The following CRACDL variants were observed in gnomAD, a reference collection of about 807,000 sequenced individuals.
The protein encoded by CRACDL is CRACD like.
Under a neutral mutation model 70.6 loss-of-function variants are expected in CRACDL, and 26 were observed. The observed-to-expected ratio is 0.37, with a 90% confidence interval of 0.27 to 0.51. The LOEUF (loss-of-function observed/expected upper bound fraction) is 0.51. CRACDL is among the 20% of genes least tolerant of loss of function. The probability of loss-of-function intolerance (pLI) is 0.94; values close to 1 mark genes in which losing one functional copy is unlikely to be tolerated. For missense variants in CRACDL, 1,283 were observed against 1,376.9 expected (o/e 0.93, Z 1.08); for synonymous variants, 618 against 615.2 (o/e 1.00, Z -0.07).
intron 6 of CRACDL, 28 bp downstream of exon 6, chr2:98,826,947 C>T (rs903389468): frequency 6.3e-7 from 1 of 1,581,194 alleles, no homozygotes; most frequent in Non-Finnish European, 8.6e-7. Context: ...CCTGGCCTGC[C>T]TCTGTGTGGA....
At chr2:98,917,084 C>G (rs895178818) in intron 1 of CRACDL, among the ~76,000 whole-genome samples, 7 of 152,188 alleles carry the variant, frequency 4.6e-5, no homozygotes, top group Admixed American at 2.6e-4. Context: ...CTTCTCCCTC[C>G]GGCTCGGCCC....
At chr2:98,841,737 T>A (rs1032358725) in intron 2 of CRACDL, among the ~76,000 whole-genome samples, 3 of 152,184 alleles carry the variant, frequency 2.0e-5, no homozygotes, top group Non-Finnish European at 4.4e-5. Context: ...TGAAATACAT[T>A]TTTTCCTAGG....
At chr2:98,923,122 T>G (rs1708842439) in intron 1 of CRACDL, among the ~76,000 whole-genome samples, 1 of 151,854 alleles carries the variant, frequency 6.6e-6, no homozygotes, top group Non-Finnish European at 1.5e-5. Flanking sequence ...TACAAAAAAA[T>G]TAGCCAGGTG....
At chr2:98,912,235 T>G (rs1419036842) in intron 1 of CRACDL, among the ~76,000 whole-genome samples, 1 of 152,238 alleles carries the variant, frequency 6.6e-6, no homozygotes, top group Non-Finnish European at 1.5e-5. Context: ...ATTCTCTGCC[T>G]TTTAACAAAA....
At chr2:98,914,822 G>A (rs1708629863) in intron 1 of CRACDL, among the ~76,000 whole-genome samples, 1 of 152,210 alleles carries the variant, frequency 6.6e-6, no homozygotes, top group African/African-American at 2.4e-5. Flanking sequence ...GAGTCCCTGG[G>A]CAGCCAGCCT....
At chr2:98,877,627 T>C (rs966659329) in intron 1 of CRACDL, among the ~76,000 whole-genome samples, 2 of 152,024 alleles carry the variant, frequency 1.3e-5, no homozygotes, top group South Asian at 4.2e-4. Context: ...CGGGTGCCTA[T>C]AGTCCCAGCA....
At chr2:98,834,207 T>C (rs1386709966) in intron 3 of CRACDL, among the ~76,000 whole-genome samples, 3 of 152,174 alleles carry the variant, frequency 2.0e-5, no homozygotes, top group Non-Finnish European at 4.4e-5. Flanking sequence ...CCGCTTTGGA[T>C]GTAATGAGGA....
chr2:98,866,858 G>A (rs539785314), intron 1 of CRACDL, among the ~76,000 whole-genome samples: 27 of 152,076 alleles, frequency 1.8e-4, no homozygotes, highest in African/African-American at 6.5e-4. Context: ...CAAAATCTAT[G>A]ACTCAGCTAG....
At chr2:98,917,757 G>A (rs1422437662) in intron 1 of CRACDL, among the ~76,000 whole-genome samples, 1 of 152,222 alleles carries the variant, frequency 6.6e-6, no homozygotes, top group Non-Finnish European at 1.5e-5. Flanking sequence ...ATTGTACCCA[G>A]TAGGTAGTTG....
intron 1 of CRACDL, among the ~76,000 whole-genome samples, chr2:98,898,833 A>G (rs1708195553): frequency 6.6e-6 from 1 of 152,260 alleles, no homozygotes; most frequent in South Asian, 2.1e-4. Context: ...TAGAATAGCA[A>G]GAGCCTATTT....
intron 3 of CRACDL, among the ~76,000 whole-genome samples, chr2:98,833,506 G>A (rs1297140414): frequency 6.6e-6 from 1 of 152,246 alleles, no homozygotes; most frequent in Non-Finnish European, 1.5e-5. Flanking sequence ...TTTGAAATGA[G>A]AACTGCAAAT....
intron 1 of CRACDL, among the ~76,000 whole-genome samples, chr2:98,855,568 G>A (rs1474886735): frequency 6.6e-6 from 1 of 152,162 alleles, no homozygotes; most frequent in African/African-American, 2.4e-5. Context: ...AGTAATTTCA[G>A]AATGGTAGTG....
intron 1 of CRACDL, among the ~76,000 whole-genome samples, chr2:98,906,157 AT>A (rs1708408020): frequency 1.3e-5 from 2 of 151,886 alleles, no homozygotes; most frequent in South Asian, 4.1e-4. Context: ...CTCAGTTTGA[AT>A]GGTTTTTATT....
At position 98,854,844 on chromosome 2, in the gene CRACDL, A is replaced by C. The variant is rs1451762132; in HGVS notation, c.-10-8034T>G. Among the ~76,000 whole-genome samples the C allele has an allele frequency of 3.9e-5, 6 of 152,252 alleles. No homozygotes were observed. The South Asian group carries it at 1.2e-3, about 31-fold the overall frequency. ...CAAGAAACCATTTCAGAATAGAAGC[A>C]ATATATGATCCAGGACTGGAGAATG... On this transcript the variant is annotated intron_variant, in intron 1 of 9. Coordinates refer to ENST00000397899, the MANE Select transcript of CRACDL (RefSeq NM_207362.3).
chr2:98,918,303 C>A (rs1250604996), intron 1 of CRACDL, among the ~76,000 whole-genome samples: 2 of 151,938 alleles, frequency 1.3e-5, no homozygotes. Flanking sequence ...GAGGCCAATG[C>A]GGGTGGATCG....
intron 7 of CRACDL, among the ~76,000 whole-genome samples, chr2:98,819,748 T>C (rs977607563): frequency 6.6e-6 from 1 of 151,722 alleles, no homozygotes; most frequent in African/African-American, 2.4e-5. Context: ...CAGGATTCCC[T>C]AAGAAAGCTA....
intron 1 of CRACDL, among the ~76,000 whole-genome samples, chr2:98,926,267 G>C (rs1188601754): frequency 6.6e-6 from 1 of 152,108 alleles, no homozygotes. Flanking sequence ...AGAAAATATG[G>C]GTTCCCCAGA....
At chr2:98,879,535 C>A (rs561179368) in intron 1 of CRACDL, among the ~76,000 whole-genome samples, 1 of 152,212 alleles carries the variant, frequency 6.6e-6, no homozygotes, top group East Asian at 1.9e-4. Flanking sequence ...ATCATTCTAG[C>A]CTCTGTATTT....
intron 1 of CRACDL, among the ~76,000 whole-genome samples, chr2:98,881,587 T>C (rs1707652605): frequency 1.3e-5 from 2 of 152,166 alleles, no homozygotes. Flanking sequence ...GAACCACGGT[T>C]CTAGAGGTGT....
Sources: allele counts gnomAD v4.1 joint callset (sites outside exome capture counted in the v4.1 genomes callset), GRCh38; gene constraint gnomAD v4.1.1; transcripts MANE v1.5; gene names NCBI Gene and HGNC (gene_info 2026-07-23, HGNC 2026-07-21).